Variants in KCNN3 observed in about 807,000 individuals in gnomAD.
KCNN3 encodes the protein small conductance calcium-activated potassium channel protein 3.
Under a neutral mutation model 62.9 loss-of-function variants are expected in KCNN3, and 16 were observed. The observed-to-expected ratio is 0.25, with a 90% CI of 0.17 to 0.39. KCNN3 has a LOEUF of 0.39. Ranked by LOEUF, KCNN3 falls within the 10% of genes least tolerant of loss-of-function variation. KCNN3 has a pLI of 1.00. For synonymous variants in KCNN3, 370 were observed against 389.2 expected, an observed-to-expected ratio of 0.95 and a Z score of 0.58; for missense variants, 599 against 949.4, an observed-to-expected ratio of 0.63 and a Z score of 4.85.
chr1:154,785,396 G>T (rs1038609350), intron 2 of KCNN3, among the ~76,000 whole-genome samples: 14 of 152,140 alleles, frequency 9.2e-5, no homozygotes, highest in Non-Finnish European at 1.8e-4. Flanking sequence ...GGGAGTGTTT[G>T]TTTTTTCCCC....
intron 7 of KCNN3, among the ~76,000 whole-genome samples, chr1:154,710,599 G>A (rs541537502): frequency 1.1e-4 from 16 of 152,308 alleles, no homozygotes; most frequent in East Asian, 1.9e-4. Flanking sequence ...GGTCTGCTCC[G>A]TGGGCCCCAT....
At chr1:154,833,262 G>A (rs970011509) in intron 1 of KCNN3, among the ~76,000 whole-genome samples, 4 of 152,078 alleles carry the variant, frequency 2.6e-5, no homozygotes, top group South Asian at 2.1e-4. Flanking sequence ...CCCCAACCCC[G>A]GCAATGTTTG....
intron 1 of KCNN3, among the ~76,000 whole-genome samples, chr1:154,860,346 C>T (rs1017223860): frequency 6.6e-6 from 1 of 152,216 alleles, no homozygotes; most frequent in Non-Finnish European, 1.5e-5. Context: ...GCCTGGTCAT[C>T]GTGTGTCCCC....
intron 3 of KCNN3, among the ~76,000 whole-genome samples, chr1:154,752,032 CAG>C (rs1387122386): frequency 6.6e-6 from 1 of 152,190 alleles, no homozygotes; most frequent in Non-Finnish European, 1.5e-5. Context: ...GGAAGACAGA[CAG>C]AGAGAGGAGG....
In KCNN3 at chr1:154,845,678, AC is replaced by A. The variant is rs1424817477; in HGVS notation, c.933+23353del. ...AGGGAAGGGGCCACATGACCAGACC[AC>A]CCCCGCAAACACACACACACACTTC... On this transcript the variant is annotated intron_variant, in intron 1 of 7. Coordinates refer to ENST00000271915, the MANE Select transcript of KCNN3 (RefSeq NM_002249.6). Among the ~76,000 whole-genome samples the A allele has an allele frequency of 2.6e-5, 4 of 151,638 alleles. No homozygotes were observed. The South Asian group carries it at 8.4e-4, about 32-fold the overall frequency.
chr1:154,804,628 G>A (rs1322220999), intron 2 of KCNN3, among the ~76,000 whole-genome samples: 1 of 152,064 alleles, frequency 6.6e-6, no homozygotes, highest in Admixed American at 6.6e-5. Context: ...GGTATCTGCT[G>A]AAATTAACTG....
intron 2 of KCNN3, among the ~76,000 whole-genome samples, chr1:154,774,095 C>T (rs1648691354): frequency 6.6e-6 from 1 of 152,226 alleles, no homozygotes; most frequent in African/African-American, 2.4e-5. Context: ...ATAGAGGTCA[C>T]TGTGAGGCTG....
intron 1 of KCNN3, among the ~76,000 whole-genome samples, chr1:154,853,279 A>G (rs1228543688): frequency 6.6e-6 from 1 of 151,776 alleles, no homozygotes; most frequent in African/African-American, 2.4e-5. Context: ...GTGAGCTACC[A>G]TGCCTGGCCC....
intron 1 of KCNN3, among the ~76,000 whole-genome samples, chr1:154,829,870 C>G (rs1651313553): frequency 6.6e-6 from 1 of 152,170 alleles, no homozygotes; most frequent in Non-Finnish European, 1.5e-5. Context: ...CTGGTGTCTC[C>G]CATTGGCACT....
intron 4 of KCNN3, among the ~76,000 whole-genome samples, chr1:154,728,560 C>A (rs1050083880): frequency 1.3e-4 from 20 of 151,214 alleles, no homozygotes; most frequent in Admixed American, 1.3e-3. Context: ...TGAGCCTCTG[C>A]AGACTGTGCG....
chr1:154,818,493 A>G, intron 2 of KCNN3, among the ~76,000 whole-genome samples: 1 of 152,192 alleles, frequency 6.6e-6, no homozygotes, highest in East Asian at 1.9e-4. Context: ...GATGTTGCCA[A>G]TGTGGTAGTG....
At position 154,869,682 on chromosome 1, in the gene KCNN3, G is replaced by T. The variant is rs1462133434; in HGVS notation, c.283C>A (p.Pro95Thr). Residue 95 changes from proline (P) to threonine (T), a missense_variant, in exon 1 of 8, where the codon CCC (proline) becomes ACC (threonine). This residue lies in a region of KCNN3 where 112 missense variants were observed against 142.9 expected (regional missense o/e 0.78). Transcript: ENST00000271915. This position sits in a 1 kb window ranked among gnomAD's most constrained non-coding sequence, Gnocchi z 6.1. ...LSQLAQLQSQPVHPGLLHSSP... is the reference protein window; with the variant it reads ...LSQLAQLQSQTVHPGLLHSSP... ...GAGTGCAGCAGGCCAGGGTGGACGG[G>T]CTGGCTCTGGAGTTGGGCGAGCTGA... 2 of 1,596,726 alleles carry T rather than the reference G, an allele frequency of 1.3e-6. No individual in the cohort carries two copies. Among genetic ancestry groups the T allele is most frequent in the South Asian group, 1.1e-5 (1 of 89,452 alleles).
At chr1:154,814,092 G>A (rs1409424487) in intron 2 of KCNN3, among the ~76,000 whole-genome samples, 1 of 152,242 alleles carries the variant, frequency 6.6e-6, no homozygotes, top group Non-Finnish European at 1.5e-5. Context: ...GGCCATGGTG[G>A]GCATGGCCAG....
chr1:154,814,322 A>G (rs552951796), intron 2 of KCNN3, among the ~76,000 whole-genome samples: 1 of 152,252 alleles, frequency 6.6e-6, no homozygotes, highest in Non-Finnish European at 1.5e-5. Flanking sequence ...ACTATGTGCT[A>G]GGCACTCTCA....
chr1:154,763,486 C>T (rs1022614335), intron 3 of KCNN3, among the ~76,000 whole-genome samples: 1 of 152,158 alleles, frequency 6.6e-6, no homozygotes, highest in African/African-American at 2.4e-5. Flanking sequence ...AAGTGATCCT[C>T]CCACCTCAGC....
Position 154,869,403 on chromosome 1 carries a change from G to A in KCNN3, c.562C>T (p.Leu188Phe), listed in dbSNP as rs1653083599. 1 of 1,614,042 alleles carries A rather than the reference G, an allele frequency of 6.2e-7. No individual in the cohort carries two copies. The highest frequency in any genetic ancestry group is 8.5e-7 in the Non-Finnish European group (1 of 1,179,954). ...CKYSGGVMKP[L>F]SRLSASRRNL... Reference sequence around the variant, plus strand: ...CTCCGGGAGGCGCTGAGGCGGCTGAGGGGCTTCATGACCCCACCGCTATAC... The same window carrying A: ...CTCCGGGAGGCGCTGAGGCGGCTGAAGGGCTTCATGACCCCACCGCTATAC... The change falls in exon 1 of 8, where the codon CTC (leucine) becomes TTC (phenylalanine). Residue 188 changes from leucine (L) to phenylalanine (F), a missense_variant. By Grantham distance (22) the Leu-to-Phe change is conservative. Coordinates refer to ENST00000271915, the MANE Select transcript of KCNN3 (RefSeq NM_002249.6). This position sits in a 1 kb window ranked among gnomAD's most constrained non-coding sequence, Gnocchi z 6.1.
chr1:154,714,272 G>GGTGTGTGTGGTGTGTGTGGT (rs1190540139), intron 6 of KCNN3, among the ~76,000 whole-genome samples: 1 of 51,296 alleles, frequency 1.9e-5, no homozygotes, highest in African/African-American at 8.1e-5. Flanking sequence ...TGTGGTATGT[G>GGTGTGTGTGGTGTGTGTGGT]GTGTGTGTGG....
At chr1:154,841,136 A>C (rs967975343) in intron 1 of KCNN3, among the ~76,000 whole-genome samples, 1 of 152,172 alleles carries the variant, frequency 6.6e-6, no homozygotes, top group African/African-American at 2.4e-5. Context: ...CCGGGTAAAG[A>C]TGGGCCGCTG....
chr1:154,738,961 A>G (rs1700771017), intron 3 of KCNN3, among the ~76,000 whole-genome samples: 1 of 152,226 alleles, frequency 6.6e-6, no homozygotes, highest in Admixed American at 6.5e-5. Flanking sequence ...TAAAAGGAAG[A>G]TGAAGGGAGA....
Sources: gnomAD v4.1 joint callset for allele counts (sites outside exome capture counted in the v4.1 genomes callset) on GRCh38, gnomAD v4.1.1 for gene constraint, gnomAD v4.1.1 regional missense constraint, Gnocchi (gnomAD v3.1) non-coding constraint, MANE v1.5 for transcripts, NCBI Gene and HGNC (gene_info 2026-07-23, HGNC 2026-07-21) for gene names.